The following MTIF2 variants were observed in gnomAD, a reference collection of about 807,000 sequenced individuals.
MTIF2 encodes the protein mitochondrial translational initiation factor 2, also known as translation initiation factor IF-2, mitochondrial.
Under a neutral mutation model 83.5 loss-of-function variants are expected in MTIF2, and 71 were observed. The ratio of observed to expected loss-of-function variants is 0.85; its 90% confidence interval spans 0.70 to 1.04. MTIF2 has a LOEUF of 1.04. MTIF2 is among the 50% of genes least tolerant of loss of function. The pLI, the probability that MTIF2 is intolerant of heterozygous loss-of-function variation, is 0.00. For missense variants in MTIF2, 957 were observed against 846.5 expected (o/e 1.13, Z -1.62); for synonymous variants, 319 against 287.1 (o/e 1.11, Z -1.12).
chr2:55,258,587 G>T lies in MTIF2; in HGVS notation c.331+3729C>A, dbSNP rs553951103. On this transcript the variant is annotated intron_variant, in intron 5 of 15. Coordinates refer to ENST00000263629, the MANE Select transcript of MTIF2 (RefSeq NM_002453.3). ...AGAACTTTGGGAGGCTAAGGTGGGT[G>T]GATCACCTGAGGTCAGGAGTTTGAG... Among the ~76,000 whole-genome samples the T allele has an allele frequency of 3.3e-5, 5 of 152,216 alleles. No individual in the cohort carries two copies. In the South Asian group the frequency reaches 1.0e-3, roughly 32 times the overall value.
intron 4 of MTIF2, 114 bp from the exon 5 acceptor site, chr2:55,262,541 CTTTTTTTTTTTTTTT>C: frequency 3.5e-6 from 1 of 284,122 alleles, no homozygotes; most frequent in Middle Eastern, 1.1e-3. Context: ...CTTTTTTTTT[CTTTTTTTTTTTTTTT>C]TTTTGAGACA....
intron 8 of MTIF2, among the ~76,000 whole-genome samples, chr2:55,250,828 C>T (rs1677040266): frequency 6.6e-6 from 1 of 152,064 alleles, no homozygotes; most frequent in South Asian, 2.1e-4. Flanking sequence ...CGAAAAAGTA[C>T]ATTCTGGCCG....
chr2:55,251,693 G>A (rs974705187), intron 8 of MTIF2, among the ~76,000 whole-genome samples: 1 of 152,064 alleles, frequency 6.6e-6, no homozygotes, highest in African/African-American at 2.4e-5. Flanking sequence ...GCACAATCTC[G>A]GCTCACCACT....
chr2:55,240,004 C>T lies in MTIF2; in HGVS notation c.1870+7G>A. On this transcript the variant is annotated splice_region_variant and intron_variant, in intron 14 of 15. Transcript: ENST00000263629. ...ATTTTTAAAAGTAACATTCAGTGAT[C>T]ACTCACCTACTGGGTGCTCTTCCAC... 1.3e-6 allele frequency: 2 copies of T among 1,593,004 alleles called. No homozygotes were observed. The highest frequency in any genetic ancestry group is 1.7e-6 in the Non-Finnish European group (2 of 1,166,562).
chr2:55,254,346 T>C, intron 6 of MTIF2, 145 bp from the exon 7 acceptor site: 2 of 673,796 alleles, frequency 3.0e-6, no homozygotes, highest in South Asian at 4.4e-5. Flanking sequence ...CCCCCTCCTA[T>C]ACATATGACA....
rs548032269 is a variant in MTIF2, at chr2:55,267,629, C to T, written c.-68G>A. 4.5e-4 allele frequency: 74 copies of T among 165,832 alleles called. No individual in the cohort carries two copies. Among genetic ancestry groups the T allele is most frequent in the African/African-American group, 1.6e-3 (65 of 41,542 alleles). 10.3% of individuals were successfully genotyped at this position (165,832 alleles called of 1,614,324 possible). ...CTTGTTTCCTATGGGCCTCATTTTC[C>T]GGATCTCTGTTAAAAATAAATAAAT... On this transcript the variant is annotated 5_prime_UTR_variant, in exon 3 of 16. Transcript: ENST00000263629.
At position 55,252,586 on chromosome 2, in the gene MTIF2, C is replaced by T. The variant is rs1391584407; in HGVS notation, c.732G>A (p.Met244Ile). The change falls in exon 8 of 16, where the codon ATG (methionine) becomes ATA (isoleucine). Residue 244 changes from methionine (M) to isoleucine (I), a missense_variant. Transcript: ENST00000263629. ...CAGTGACCTGAGCACCTCTGGCTCTCATTGCTGAGAAAGCAGCATGTCCTG... is the reference window on the plus strand; with the variant it reads ...CAGTGACCTGAGCACCTCTGGCTCTTATTGCTGAGAAAGCAGCATGTCCTG... ...DTPGHAAFSA[M>I]RARGAQVTDI... 1.8e-5 allele frequency: 29 copies of T among 1,614,032 alleles called. No individual in the cohort carries two copies. Among genetic ancestry groups the T allele is most frequent in the Non-Finnish European group, 2.3e-5 (27 of 1,180,014 alleles).
At chr2:55,263,476 G>A (rs1678189088) in intron 4 of MTIF2, among the ~76,000 whole-genome samples, 164 bp downstream of exon 4, 1 of 152,140 alleles carries the variant, frequency 6.6e-6, no homozygotes, top group African/African-American at 2.4e-5. Flanking sequence ...CGGGTGCGGT[G>A]GCTAATGCCT....
chr2:55,244,017 A>G lies in MTIF2; in HGVS notation c.1311+12T>C. The G allele has an allele frequency of 6.2e-7, 1 of 1,605,660 alleles. No individual in the cohort carries two copies. The highest frequency in any genetic ancestry group is 8.5e-7 in the Non-Finnish European group (1 of 1,174,026). ...TATTATATCTAATATATAGGAATTA[A>G]GCTTGATACACCTCAGATTCTACTT... On this transcript the variant is annotated intron_variant, in intron 11 of 15. Transcript: ENST00000263629.
rs1487055106 is a variant in MTIF2, at chr2:55,252,395, G to A, written c.841+82C>T. ...CACGTATAATAACTCTGGGATTGTT[G>A]TGAAGACTAAATGAGCTATATGTAA... On this transcript the variant is annotated intron_variant, in intron 8 of 15. Transcript: ENST00000263629. The A allele has an allele frequency of 2.5e-6, 3 of 1,209,952 alleles. No individual in the cohort carries two copies. In the African/African-American group the frequency reaches 4.5e-5, roughly 18 times the overall value. The allele number at this position is 1,209,952 out of a possible 1,614,324, so 75.0% of individuals were successfully genotyped here. A position where few individuals can be genotyped will look rare whatever the true frequency, so the allele number is the denominator to read the frequency against.
At chr2:55,243,908 C>A in intron 11 of MTIF2, 121 bp downstream of exon 11, 1 of 989,892 alleles carries the variant, frequency 1.0e-6, no homozygotes, top group South Asian at 1.9e-5. Flanking sequence ...CAACTTGCAT[C>A]CTCACAGCCC....
intron 10 of MTIF2, among the ~76,000 whole-genome samples, chr2:55,245,478 G>A (rs543195350): frequency 6.6e-5 from 10 of 152,068 alleles, no homozygotes; most frequent in Admixed American, 2.6e-4. Flanking sequence ...AGCTGAGATC[G>A]TGGCCACTTC....
At chr2:55,237,191 T>C in intron 15 of MTIF2, 97 bp downstream of exon 15, 5 of 1,342,106 alleles carry the variant, frequency 3.7e-6, no homozygotes, top group Non-Finnish European at 5.1e-6. Context: ...TGAGCTGAGA[T>C]TATGGGCATG....
intron 4 of MTIF2, 79 bp downstream of exon 4, chr2:55,263,561 G>C (rs1678196901): frequency 8.9e-7 from 1 of 1,117,498 alleles, no homozygotes; most frequent in South Asian, 1.5e-5. Context: ...GGTGAGCTGA[G>C]ATCGCGCCAC....
intron 5 of MTIF2, among the ~76,000 whole-genome samples, chr2:55,261,999 T>C (rs1678038772): frequency 6.9e-6 from 1 of 145,034 alleles, no homozygotes; most frequent in African/African-American, 2.6e-5. Flanking sequence ...AGAGAAAGTA[T>C]ATAAGTATAG....
chr2:55,253,885 G>A (rs1409587665), intron 7 of MTIF2, among the ~76,000 whole-genome samples, 156 bp downstream of exon 7: 1 of 151,900 alleles, frequency 6.6e-6, no homozygotes, highest in Admixed American at 6.6e-5. Flanking sequence ...ACAAAACACA[G>A]CTTTACTAAC....
chr2:55,257,646 G>T lies in MTIF2; in HGVS notation c.332-2821C>A, dbSNP rs139863664. On this transcript the variant is annotated intron_variant, in intron 5 of 15. Coordinates refer to ENST00000263629, the MANE Select transcript of MTIF2 (RefSeq NM_002453.3). ...TCCATGGTGCAAATATGCCCACCAT[G>T]GTTGATTACAAGCTACCAACATAAA... is the stretch of plus-strand genomic sequence containing the variant. 2.1e-3 allele frequency among the ~76,000 whole-genome samples: 325 copies of T among 152,262 alleles called. 1 individual carries two copies. The highest frequency in any genetic ancestry group is 8.1e-3 in the South Asian group (39 of 4,832).
At chr2:55,243,123 G>A in intron 12 of MTIF2, 43 bp from the exon 13 acceptor site, 1 of 1,515,520 alleles carries the variant, frequency 6.6e-7, no homozygotes, top group South Asian at 1.3e-5. Context: ...TTAAGAGTTA[G>A]ACATCAGCAG....
chr2:55,264,281 G>A (rs549685733), intron 3 of MTIF2, among the ~76,000 whole-genome samples: 253 of 152,312 alleles, frequency 1.7e-3, no homozygotes, highest in Middle Eastern at 0.01. Flanking sequence ...CTGGAGGCTG[G>A]AATGCAGTGG....
Sources: gnomAD v4.1 joint callset for allele counts (sites outside exome capture counted in the v4.1 genomes callset) on GRCh38, gnomAD v4.1.1 for gene constraint, MANE v1.5 for transcripts, NCBI Gene and HGNC (gene_info 2026-07-23, HGNC 2026-07-21) for gene names.